Variants in AHNAK observed in about 807,000 individuals in gnomAD.
AHNAK encodes AHNAK nucleoprotein, also known as neuroblast differentiation-associated protein AHNAK.
Under a neutral mutation model 37.8 loss-of-function variants are expected in AHNAK, and 23 were observed. That is an observed-to-expected ratio of 0.61 (90% CI 0.44 to 0.86). The LOEUF (loss-of-function observed/expected upper bound fraction) is 0.86, where lower values mean the gene tolerates loss of function less well. Among genes scored for constraint, AHNAK ranks in the 40% least tolerant of loss-of-function variants. AHNAK has a pLI of 0.00. For missense variants in AHNAK, 7,411 were observed against 7,319.4 expected (o/e 1.01, Z -0.46); for synonymous variants, 2,481 against 2,636.3 (o/e 0.94, Z 1.80).
chr11:62,502,855 T>A (rs898466213), intron 4 of AHNAK, among the ~76,000 whole-genome samples: 7 of 152,120 alleles, frequency 4.6e-5, no homozygotes, highest in Non-Finnish European at 8.8e-5. Flanking sequence ...TGAGTGTGGC[T>A]GCAGAGGCCG....
chr11:62,524,023 A>C lies in AHNAK; in HGVS notation c.10394T>G (p.Val3465Gly). 6.2e-7 allele frequency: 1 copy of C among 1,614,164 alleles called. No homozygotes were observed. The highest frequency in any genetic ancestry group is 8.5e-7 in the Non-Finnish European group (1 of 1,180,030). Residue 3465 changes from valine (V) to glycine (G), a missense_variant, in exon 5 of 5, where the codon GTT (valine) becomes GGT (glycine). By Grantham distance (109) the Val-to-Gly change is moderately radical. Transcript: ENST00000378024. Reference sequence around the variant, plus strand: ...TTTCAGATTCCAGTCTGGACCATGAACATCCACATCAGGTGCATTAAGATT... The same window carrying C: ...TTTCAGATTCCAGTCTGGACCATGACCATCCACATCAGGTGCATTAAGATT... Reference protein sequence around the residue: ...EVNLNAPDVDVHGPDWNLKMP... With the variant: ...EVNLNAPDVDGHGPDWNLKMP...
intron 4 of AHNAK, among the ~76,000 whole-genome samples, chr11:62,506,246 T>TAA (rs151312445): frequency 6.9e-5 from 10 of 145,962 alleles, no homozygotes; most frequent in African/African-American, 2.3e-4. Context: ...AAATAAATAT[T>TAA]AAAAAAAAAA....
intron 5 of AHNAK, among the ~76,000 whole-genome samples, chr11:62,483,150 C>T (rs529279048): frequency 1.3e-5 from 2 of 152,290 alleles, no homozygotes; most frequent in East Asian, 3.9e-4. Context: ...TGACAGAAGA[C>T]CCCGAAGGCC....
intron 5 of AHNAK, among the ~76,000 whole-genome samples, chr11:62,487,846 C>T (rs776626619): frequency 6.6e-6 from 1 of 152,148 alleles, no homozygotes; most frequent in Non-Finnish European, 1.5e-5. Context: ...TGGAGGCTCA[C>T]GGCGGGGACA....
chr11:62,450,457 T>C (rs1938512641), intron 5 of AHNAK, among the ~76,000 whole-genome samples: 1 of 152,152 alleles, frequency 6.6e-6, no homozygotes, highest in South Asian at 2.1e-4. Context: ...CCCCCCAAAG[T>C]ACTGGGATTA....
rs542664131 is a variant in AHNAK, at chr11:62,536,807, C to T, written c.-99-240G>A. Among the ~76,000 whole-genome samples the T allele has an allele frequency of 5.9e-5, 9 of 152,252 alleles. No homozygotes were observed. The South Asian group carries it at 1.9e-3, about 32-fold the overall frequency. ...CCTCCTTCTAGCTGTGGGACCCTGG[C>T]CAAGACACTTCAGTTTTCTGAACCT... On this transcript the variant is annotated intron_variant, in intron 1 of 4. Transcript: ENST00000378024.
rs745908561 is a variant in AHNAK, at chr11:62,528,223, C to T, written c.6194G>A (p.Gly2065Asp). Residue 2065 changes from glycine to aspartate, a missense_variant, in exon 5 of 5, where the codon GGC becomes GAC. Physicochemically the swap from Gly to Asp is moderately conservative, Grantham distance 94 (BLOSUM62 -1). Coordinates refer to ENST00000378024, the MANE Select transcript of AHNAK (RefSeq NM_001620.3). ...KFSMPGFKAE[G>D]PEVDVNLPKA... The stretch of plus-strand genomic sequence containing the variant: ...GGGCAAGTTCACATCCACTTCTGGG[C>T]CCTCTGCTTTGAAGCCAGGCATGCT... 1.9e-6 allele frequency: 3 copies of T among 1,613,984 alleles called. No homozygotes were observed. Among genetic ancestry groups the T allele is most frequent in the South Asian group, 1.1e-5 (1 of 91,078 alleles).
In AHNAK at chr11:62,518,839, T is replaced by C; in HGVS notation, c.15578A>G (p.Gln5193Arg). The stretch of plus-strand genomic sequence containing the variant: ...TACATTCACATCAGGGATGGAGACT[T>C]GAGGGGCAGAAATGCCGAAGGACGG... ...KTPSFGISAP[Q>R]VSIPDVNVNL... Residue 5193 changes from glutamine to arginine, a missense_variant, in exon 5 of 5, where the codon CAA becomes CGA. Transcript: ENST00000378024. The C allele has an allele frequency of 6.2e-7, 1 of 1,614,242 alleles. No homozygotes were observed.
chr11:62,478,912 G>A (rs1418582723), intron 5 of AHNAK, among the ~76,000 whole-genome samples: 2 of 151,652 alleles, frequency 1.3e-5, no homozygotes, highest in Admixed American at 1.3e-4. Flanking sequence ...GTCTTGCTCT[G>A]TCTCCCAGGC....
chr11:62,437,427 C>CT (rs61512238), intron 5 of AHNAK, among the ~76,000 whole-genome samples: 20,310 of 152,180 alleles, frequency 0.13, 1,634 homozygotes, highest in Middle Eastern at 0.2. Context: ...GCAATCTCAG[C>CT]CACTGCAACA....
At chr11:62,487,509 G>A (rs933250661) in intron 5 of AHNAK, among the ~76,000 whole-genome samples, 3 of 152,176 alleles carry the variant, frequency 2.0e-5, no homozygotes, top group Admixed American at 6.5e-5. Flanking sequence ...AGGACACAGC[G>A]TAAGTGTCTT....
In AHNAK at chr11:62,533,760, G is replaced by C; in HGVS notation, c.657C>G (p.Gly219=). Residue 219 remains glycine (G), a synonymous_variant, in exon 5 of 5, where the codon GGC becomes GGG. Coordinates refer to ENST00000378024, the MANE Select transcript of AHNAK (RefSeq NM_001620.3). ...CCCCTGCTCGGATATCCACAGCAGA[G>C]CCTGTCGGAGAGGCTGCCCCCGAGC... The part of the protein sequence containing the change: ...PSGSGAASPT[G]SAVDIRAGAI... 6.2e-7 allele frequency: 1 copy of C among 1,614,182 alleles called. No individual in the cohort carries two copies. Among genetic ancestry groups the C allele is most frequent in the South Asian group, 1.1e-5 (1 of 91,078 alleles).
In AHNAK at chr11:62,525,273, C is replaced by G; in HGVS notation, c.9144G>C (p.Lys3048Asn). 1.2e-6 allele frequency: 2 copies of G among 1,613,130 alleles called. No homozygotes were observed. Among genetic ancestry groups the G allele is most frequent in the Non-Finnish European group, 1.7e-6 (2 of 1,179,844 alleles). The change falls in exon 5 of 5, where the codon AAG becomes AAC. Residue 3048 changes from lysine (K) to asparagine (N), a missense_variant. Coordinates refer to ENST00000378024, the MANE Select transcript of AHNAK (RefSeq NM_001620.3). ...EGPDVDVNLP[K>N]ADLDVSGPKV... ...TGGGTCCTGAGACATCAAGGTCAGC[C>G]TTGGGCAGGTTCACATCCACATCTG...
At position 62,497,512 on chromosome 11, in the gene AHNAK, A is replaced by T. The variant is rs578101591; in HGVS notation, c.343-5681T>A. On this transcript the variant is annotated intron_variant, in intron 4 of 5. Transcript: ENST00000257247. ...CATTCCTATCAAAAAAGGTGGAGAC[A>T]TGATTACGCCCTTTATGTAAAACAG... Among the ~76,000 whole-genome samples, 41 of 152,368 alleles carry T rather than the reference A, an allele frequency of 2.7e-4. 1 individual carries two copies. Among genetic ancestry groups the T allele is most frequent in the Admixed American group, 1.8e-3 (28 of 15,292 alleles).
chr11:62,524,019 A>C lies in AHNAK; in HGVS notation c.10398T>G (p.His3466Gln). The C allele has an allele frequency of 6.2e-7, 1 of 1,614,152 alleles. No individual in the cohort carries two copies. The highest frequency in any genetic ancestry group is 8.5e-7 in the Non-Finnish European group (1 of 1,180,014). The change falls in exon 5 of 5, where the codon CAT becomes CAG. Residue 3466 changes from histidine (H) to glutamine (Q), a missense_variant. Transcript: ENST00000378024. ...VNLNAPDVDV[H>Q]GPDWNLKMPK... ...GCATTTTCAGATTCCAGTCTGGACC[A>C]TGAACATCCACATCAGGTGCATTAA...
intron 5 of AHNAK, among the ~76,000 whole-genome samples, chr11:62,457,497 C>T (rs935946586): frequency 2.0e-5 from 3 of 151,110 alleles, no homozygotes; most frequent in Admixed American, 6.6e-5. Context: ...GGGCATGGTG[C>T]CACAAGCCTG....
At chr11:62,488,052 C>T (rs150108887) in intron 5 of AHNAK, among the ~76,000 whole-genome samples, 16 of 152,300 alleles carry the variant, frequency 1.1e-4, no homozygotes, top group African/African-American at 2.9e-4. Flanking sequence ...TGAAAAGCCA[C>T]GGAAGTTCCT....
In AHNAK at chr11:62,483,858, CA is replaced by C. The variant is rs1173299582; in HGVS notation, c.442+7873del. The stretch of plus-strand genomic sequence containing the variant: ...TGGGCGACAGAGCAAGACTCCATCT[CA>C]AAAAAAAAAAAAAACAAACTACAAA... On this transcript the variant is annotated intron_variant, in intron 5 of 5. Coordinates refer to the AHNAK transcript ENST00000257247. Among the ~76,000 whole-genome samples, 146 of 77,860 alleles carry C rather than the reference CA, an allele frequency of 1.9e-3. 1 individual carries two copies. The South Asian group carries it at 0.02, about 11-fold the overall frequency. The allele number at this position is 77,860 out of a possible 152,430, so 51.1% of individuals were successfully genotyped here.
intron 4 of AHNAK, among the ~76,000 whole-genome samples, chr11:62,499,341 G>A (rs953777452): frequency 6.6e-6 from 1 of 152,252 alleles, no homozygotes; most frequent in East Asian, 1.9e-4. Flanking sequence ...CTGAGGTCGG[G>A]AGTTCGAGAC....
Sources: allele counts gnomAD v4.1 joint callset (sites outside exome capture counted in the v4.1 genomes callset), GRCh38; gene constraint gnomAD v4.1.1; transcripts MANE v1.5; gene names NCBI Gene and HGNC (gene_info 2026-07-23, HGNC 2026-07-21).